Variants in GRIA3 observed in about 807,000 individuals in gnomAD.
GRIA3 encodes the protein glutamate receptor 3.
In GRIA3, 3 loss-of-function variants were observed where a neutral mutation model predicts 63.0. The observed-to-expected ratio is 0.05, with a 90% CI of 0.02 to 0.12. The LOEUF (loss-of-function observed/expected upper bound fraction) is 0.12, where lower values mean the gene tolerates loss of function less well. GRIA3 is among the 10% of genes least tolerant of loss of function. The pLI is 1.00. For missense variants in GRIA3, 347 were observed against 700.9 expected (o/e 0.50, Z 5.70); for synonymous variants, 274 against 257.9 (o/e 1.06, Z -0.60).
Position 123,442,218 on chromosome X carries a change from C to A in GRIA3, c.2076+14079C>A, listed in dbSNP as rs751602051. Among the ~76,000 whole-genome samples the A allele has an allele frequency of 3.7e-4, 42 of 112,131 alleles. 1 individual carries two copies. The highest frequency in any genetic ancestry group is 7.3e-4 in the Non-Finnish European group (39 of 53,193). On this transcript the variant is annotated intron_variant, in intron 12 of 15. Coordinates refer to ENST00000620443, the MANE Select transcript of GRIA3 (RefSeq NM_007325.5). ...CTTAAAACATTCTTATCTGGAACTG[C>A]CCAAAGAGCAGACCTATAGGGACTA...
chrX:123,445,837 AAT>A (rs781404960), intron 12 of GRIA3, among the ~76,000 whole-genome samples: 5 of 112,630 alleles, frequency 4.4e-5, no homozygotes, highest in African/African-American at 1.6e-4. Context: ...GGCTTTCAGA[AAT>A]AAACATAAAA....
intron 2 of GRIA3, among the ~76,000 whole-genome samples, chrX:123,195,759 C>T (rs1476460608): frequency 8.9e-6 from 1 of 111,966 alleles, no homozygotes; most frequent in East Asian, 2.8e-4. Flanking sequence ...GCTCTATTAA[C>T]TGGTAGTTAT....
chrX:123,226,220 T>TA (rs1285479704), intron 2 of GRIA3, among the ~76,000 whole-genome samples: 1 of 111,421 alleles, frequency 9.0e-6, no homozygotes, highest in African/African-American at 3.3e-5. Flanking sequence ...ATCATTATCA[T>TA]AAAAAACAAC....
chrX:123,446,243 C>T (rs1009669584), intron 12 of GRIA3, among the ~76,000 whole-genome samples: 14 of 112,182 alleles, frequency 1.2e-4, no homozygotes, highest in African/African-American at 4.5e-4. Flanking sequence ...AAATTTGTAA[C>T]GTTATTAATA....
intron 14 of GRIA3, 131 bp downstream of exon 14, chrX:123,480,308 T>A: frequency 2.0e-6 from 1 of 500,863 alleles, no homozygotes; most frequent in East Asian, 3.8e-5. Context: ...ATAACAACAG[T>A]GCTAAAGGAA....
chrX:123,364,399 C>G (rs2045197624), intron 5 of GRIA3, among the ~76,000 whole-genome samples: 2 of 111,789 alleles, frequency 1.8e-5, no homozygotes, highest in African/African-American at 6.5e-5. Flanking sequence ...CAATTAGCCC[C>G]CTTACTACCT....
At chrX:123,349,749 C>T (rs1017769636) in intron 4 of GRIA3, among the ~76,000 whole-genome samples, 1 of 112,089 alleles carries the variant, frequency 8.9e-6, no homozygotes, top group African/African-American at 3.2e-5. Flanking sequence ...CATTGTCATT[C>T]GGTGATAGGA....
chrX:123,384,156 A>G (rs190858225), intron 5 of GRIA3, among the ~76,000 whole-genome samples: 71 of 112,004 alleles, frequency 6.3e-4, no homozygotes, highest in African/African-American at 2.3e-3. Flanking sequence ...TAGTGCTGCA[A>G]TGAACATTCA....
At chrX:123,309,066 C>G (rs1226378323) in intron 3 of GRIA3, among the ~76,000 whole-genome samples, 1 of 111,989 alleles carries the variant, frequency 8.9e-6, no homozygotes, top group Non-Finnish European at 1.9e-5. Flanking sequence ...AGGCATAAGG[C>G]GTATAACTCC....
chrX:123,186,032 C>T (rs764898457), intron 2 of GRIA3, 42 bp downstream of exon 2: 5 of 1,102,070 alleles, frequency 4.5e-6, no homozygotes, highest in Non-Finnish European at 5.0e-6. Context: ...CGTTGGGGAC[C>T]TCATTTGCAT....
In GRIA3 at chrX:123,311,172, C is replaced by G. The variant is rs752977878; in HGVS notation, c.509-14854C>G. On this transcript the variant is annotated intron_variant, in intron 3 of 15. Coordinates refer to ENST00000620443, the MANE Select transcript of GRIA3 (RefSeq NM_007325.5). ...TGCTCATGTATTTTAATGAGGTCCC[C>G]AAGACTTTTTTAGAAGGTAAATCTT... 2.7e-5 allele frequency among the ~76,000 whole-genome samples: 3 copies of G among 111,700 alleles called. No homozygotes were observed. The East Asian group carries it at 8.4e-4, about 31-fold the overall frequency.
At chrX:123,234,719 A>G (rs1316960597) in intron 2 of GRIA3, among the ~76,000 whole-genome samples, 1 of 111,994 alleles carries the variant, frequency 8.9e-6, no homozygotes, top group Non-Finnish European at 1.9e-5. Context: ...TAACACATAT[A>G]TAAGGAGATA....
chrX:123,356,294 CCTT>C (rs1409236051), intron 5 of GRIA3, among the ~76,000 whole-genome samples: 2 of 109,510 alleles, frequency 1.8e-5, no homozygotes, highest in Non-Finnish European at 3.8e-5. Flanking sequence ...TTTCTTCTTT[CCTT>C]CTTTTCTTCC....
chrX:123,233,714 A>G (rs938750305), intron 2 of GRIA3, among the ~76,000 whole-genome samples: 1 of 111,930 alleles, frequency 8.9e-6, no homozygotes, highest in Non-Finnish European at 1.9e-5. Context: ...AGAGGTATAC[A>G]TAGTATTTCT....
At chrX:123,374,290 G>A (rs1314756680) in intron 5 of GRIA3, among the ~76,000 whole-genome samples, 2 of 111,768 alleles carry the variant, frequency 1.8e-5, no homozygotes, top group East Asian at 5.6e-4. Context: ...CAGGTAGCGT[G>A]ATGCCTCCAG....
intron 3 of GRIA3, among the ~76,000 whole-genome samples, chrX:123,300,281 G>C (rs902246735): frequency 6.6e-5 from 7 of 105,676 alleles, no homozygotes; most frequent in African/African-American, 1.7e-4. Context: ...CAATTTTTTA[G>C]AATAGTTTCA....
In GRIA3 at chrX:123,456,439, TCTC is replaced by T. The variant is rs769144653; in HGVS notation, c.2077-8422_2077-8420del. ...TGGCAGGTAATTCTCACCACAAAAATCTCCTCTTCATGAGTCTAAACCAAGTGC... is the reference window on the plus strand; with the variant it reads ...TGGCAGGTAATTCTCACCACAAAAATCTCTTCATGAGTCTAAACCAAGTGC... On this transcript the variant is annotated intron_variant, in intron 12 of 15. Transcript: ENST00000620443. Among the ~76,000 whole-genome samples the T allele has an allele frequency of 7.2e-5, 8 of 111,503 alleles. No individual in the cohort carries two copies. In the East Asian group the frequency reaches 2.0e-3, roughly 27 times the overall value.
intron 12 of GRIA3, among the ~76,000 whole-genome samples, chrX:123,448,066 A>T (rs1325094092): frequency 8.9e-6 from 1 of 111,901 alleles, no homozygotes; most frequent in Non-Finnish European, 1.9e-5. Flanking sequence ...TAAGGAGTGC[A>T]CCTTTTGTTT....
chrX:123,219,016 G>A (rs1380416567), intron 2 of GRIA3, among the ~76,000 whole-genome samples: 1 of 111,797 alleles, frequency 8.9e-6, no homozygotes, highest in Non-Finnish European at 1.9e-5. Context: ...TGGAGGAGAT[G>A]GCACTTGTGT....
Sources: allele counts gnomAD v4.1 joint callset (sites outside exome capture counted in the v4.1 genomes callset), GRCh38; gene constraint gnomAD v4.1.1; transcripts MANE v1.5; gene names NCBI Gene and HGNC (gene_info 2026-07-23, HGNC 2026-07-21).